The following ANGPTL7 variants were observed in gnomAD, a reference collection of about 807,000 sequenced individuals.
ANGPTL7 encodes angiopoietin-related protein 7.
In ANGPTL7, 37 loss-of-function variants were observed where a neutral mutation model predicts 38.8. The observed-to-expected ratio is 0.95, with a 90% CI of 0.73 to 1.25. The LOEUF (loss-of-function observed/expected upper bound fraction) is 1.25. Ranked by LOEUF, ANGPTL7 falls within the 50% of genes most tolerant of loss-of-function variation. ANGPTL7 has a pLI of 0.00. For synonymous variants in ANGPTL7, 166 were observed against 163.2 expected, an observed-to-expected ratio of 1.02 and a Z score of -0.13; for missense variants, 427 against 438.6, an observed-to-expected ratio of 0.97 and a Z score of 0.24.
In ANGPTL7 at chr1:11,194,584, C is replaced by A; in HGVS notation, c.796C>A (p.His266Asn). The A allele has an allele frequency of 1.2e-6, 2 of 1,614,174 alleles. No homozygotes were observed. The highest frequency in any genetic ancestry group is 1.7e-6 in the Non-Finnish European group (2 of 1,180,032). Residue 266 changes from histidine (H) to asparagine (N), a missense_variant, in exon 4 of 5, where the codon CAT (histidine) becomes AAT (asparagine). Transcript: ENST00000376819. ...GNVGNDALQY[H>N]NNTAFSTKDK... ...TGTGGGGAACGACGCCCTCCAGTATCATAACAACACAGCCTTCAGCACCAA... is the reference window on the plus strand; with the variant it reads ...TGTGGGGAACGACGCCCTCCAGTATAATAACAACACAGCCTTCAGCACCAA...
At chr1:11,191,689 G>A (rs1428473944) in intron 1 of ANGPTL7, among the ~76,000 whole-genome samples, 4 of 152,188 alleles carry the variant, frequency 2.6e-5, no homozygotes, top group Admixed American at 1.3e-4. Context: ...AAACTTCTGG[G>A]AGGAAGGCCT....
rs1458803576 is a variant in ANGPTL7 at position 11,195,329 on chromosome 1, C to T, written c.*306C>T. The stretch of plus-strand genomic sequence containing the variant: ...AGCTTGTCTTTTCCACATGATTTGT[C>T]TGTGAAAGAAAATAATTTTGAGATC... On this transcript the variant is annotated 3_prime_UTR_variant, in exon 5 of 5. Coordinates refer to ENST00000376819, the MANE Select transcript of ANGPTL7 (RefSeq NM_021146.4). 1.2e-4 allele frequency: 33 copies of T among 275,374 alleles called. No homozygotes were observed. The highest frequency in any genetic ancestry group is 1.2e-3 in the Admixed American group (25 of 21,340). The allele number at this position is 275,374 out of a possible 1,614,324, so 17.1% of individuals were successfully genotyped here. A position where few individuals can be genotyped will look rare whatever the true frequency, so the allele number is the denominator to read the frequency against.
At chr1:11,194,180 G>C (rs1645679860) in intron 3 of ANGPTL7, among the ~76,000 whole-genome samples, 1 of 152,138 alleles carries the variant, frequency 6.6e-6, no homozygotes, top group African/African-American at 2.4e-5. Context: ...CTCTGTGTGG[G>C]ATTCAGCAAA....
At chr1:11,191,412 G>A (rs1343653043) in intron 1 of ANGPTL7, among the ~76,000 whole-genome samples, 1 of 152,082 alleles carries the variant, frequency 6.6e-6, no homozygotes, top group East Asian at 1.9e-4. Context: ...ATGTGCCTCA[G>A]ACAACTCCCA....
intron 3 of ANGPTL7, 29 bp from the exon 4 acceptor site, chr1:11,194,432 T>C (rs1645694481): frequency 6.2e-7 from 1 of 1,611,284 alleles, no homozygotes; most frequent in Non-Finnish European, 8.5e-7. Flanking sequence ...CCTGCTGCAC[T>C]TTCTTTAAGG....
chr1:11,192,440 C>T, intron 2 of ANGPTL7, 70 bp downstream of exon 2: 1 of 1,284,222 alleles, frequency 7.8e-7, no homozygotes, highest in Non-Finnish European at 1.1e-6. Flanking sequence ...ACTACAACAA[C>T]AGGGCCATTC....
chr1:11,193,864 C>G, intron 3 of ANGPTL7, 90 bp downstream of exon 3: 1 of 1,265,598 alleles, frequency 7.9e-7, no homozygotes, highest in Non-Finnish European at 1.1e-6. Context: ...TATTCTGATT[C>G]AAGACAAATC....
At chr1:11,194,145 T>C (rs543881359) in intron 3 of ANGPTL7, among the ~76,000 whole-genome samples, 21 of 152,324 alleles carry the variant, frequency 1.4e-4, no homozygotes, top group African/African-American at 5.1e-4. Context: ...GCACTCACTA[T>C]ATCCTCATGT....
In ANGPTL7 at chr1:11,192,320, G is replaced by T. The variant is rs762184646; in HGVS notation, c.427G>T (p.Gly143Ter). 1 of 1,613,976 alleles carries T rather than the reference G, an allele frequency of 6.2e-7. No individual in the cohort carries two copies. The highest frequency in any genetic ancestry group is 8.5e-7 in the Non-Finnish European group (1 of 1,179,932). ...CTACCAGAAGAACTACCGCATCTCTGGAGTGTATAAGCTTCCTCCTGATGA... is the reference window on the plus strand; with the variant it reads ...CTACCAGAAGAACTACCGCATCTCTTGAGTGTATAAGCTTCCTCCTGATGA... ...SLYQKNYRIS[G>*]VYKLPPDDFL... The change falls in exon 2 of 5, where the codon GGA becomes TGA. Residue 143 changes from glycine to a stop codon, truncating the protein, a stop_gained. Transcript: ENST00000376819. LOFTEE classifies it high-confidence loss of function.
At chr1:11,193,419 C>G (rs1342243596) in intron 2 of ANGPTL7, among the ~76,000 whole-genome samples, 161 bp from the exon 3 acceptor site, 1 of 152,206 alleles carries the variant, frequency 6.6e-6, no homozygotes, top group Non-Finnish European at 1.5e-5. Flanking sequence ...CCCCAGCTCA[C>G]CAGCAGTGGG....
chr1:11,189,984 T>C, intron 1 of ANGPTL7, 29 bp downstream of exon 1: 1 of 1,575,590 alleles, frequency 6.3e-7, no homozygotes, highest in Non-Finnish European at 8.6e-7. Flanking sequence ...TGAGGGAGCG[T>C]GGAGTGCCTC....
chr1:11,193,826 C>T (rs189670764), intron 3 of ANGPTL7, 52 bp downstream of exon 3: 2 of 1,561,746 alleles, frequency 1.3e-6, no homozygotes, highest in Admixed American at 3.4e-5. Flanking sequence ...CCACACATGA[C>T]CGCGTACAAC....
chr1:11,189,890 A>C lies in ANGPTL7; in HGVS notation c.311A>C (p.Glu104Ala). Reference protein sequence around the residue: ...RLTDAESKYSEMNNQIDIMQL... With the variant: ...RLTDAESKYSAMNNQIDIMQL... ...ACAGATGCTGAGAGCAAGTACTCCG[A>C]GATGAACAACCAAATTGACATCATG... is the stretch of plus-strand genomic sequence containing the variant. The change falls in exon 1 of 5, where the codon GAG becomes GCG. Residue 104 changes from glutamate (E) to alanine (A), a missense_variant. Coordinates refer to ENST00000376819, the MANE Select transcript of ANGPTL7 (RefSeq NM_021146.4). 6.2e-7 allele frequency: 1 copy of C among 1,614,130 alleles called. No individual in the cohort carries two copies. Among genetic ancestry groups the C allele is most frequent in the Non-Finnish European group, 8.5e-7 (1 of 1,180,026 alleles).
At position 11,189,804 on chromosome 1, in the gene ANGPTL7, C is replaced by T. The variant is rs759812985; in HGVS notation, c.225C>T (p.Val75=). ...ELNKKQERDW[V]SVVMQVMELE... Reference sequence around the variant, plus strand: ...ACAAGAAGCAGGAGAGGGACTGGGTCAGCGTGGTCATGCAGGTGATGGAGC... The same window carrying T: ...ACAAGAAGCAGGAGAGGGACTGGGTTAGCGTGGTCATGCAGGTGATGGAGC... Residue 75 remains valine (V), a synonymous_variant, in exon 1 of 5, where the codon GTC becomes GTT. Coordinates refer to ENST00000376819, the MANE Select transcript of ANGPTL7 (RefSeq NM_021146.4). 9 of 1,614,080 alleles carry T rather than the reference C, an allele frequency of 5.6e-6. No homozygotes were observed. Among genetic ancestry groups the T allele is most frequent in the Non-Finnish European group, 7.6e-6 (9 of 1,180,044 alleles).
intron 2 of ANGPTL7, among the ~76,000 whole-genome samples, chr1:11,193,258 C>A (rs1571126011): frequency 6.6e-6 from 1 of 151,578 alleles, no homozygotes; most frequent in African/African-American, 2.4e-5. Context: ...TGCAGTGAGC[C>A]GAGATTGCAC....
chr1:11,194,544 G>T lies in ANGPTL7; in HGVS notation c.756G>T (p.Gly252=), dbSNP rs28991012. 6.2e-7 allele frequency: 1 copy of T among 1,614,074 alleles called. No individual in the cohort carries two copies. Among genetic ancestry groups the T allele is most frequent in the East Asian group, 2.2e-5 (1 of 44,880 alleles). ...NELNSYRLFL[G]NYTGNVGNDA... ...TCAACAGCTATCGCCTCTTCCTGGG[G>T]AACTACACTGGCAATGTGGGGAACG... Residue 252 remains glycine, a synonymous_variant, in exon 4 of 5, where the codon GGG becomes GGT. Transcript: ENST00000376819.
Position 11,189,936 on chromosome 1 carries a change from G to C in ANGPTL7, c.357G>C (p.Thr119=), listed in dbSNP as rs764501879. 4 of 1,611,840 alleles carry C rather than the reference G, an allele frequency of 2.5e-6. No individual in the cohort carries two copies. Among genetic ancestry groups the C allele is most frequent in the Non-Finnish European group, 3.4e-6 (4 of 1,179,060 alleles). The change falls in exon 1 of 5, where the codon ACG becomes ACC. Residue 119 remains threonine, a synonymous_variant. Transcript: ENST00000376819. ...IDIMQLQAAQ[T]VTQTSADAIY... The stretch of plus-strand genomic sequence containing the variant: ...TCATGCAGCTGCAGGCAGCACAGAC[G>C]GTCACTCAGACCTCCGCAGGTAAGG...
intron 3 of ANGPTL7, 83 bp downstream of exon 3, chr1:11,193,857 T>A (rs1168547676): frequency 7.3e-7 from 1 of 1,370,566 alleles, no homozygotes; most frequent in African/African-American, 1.5e-5. Flanking sequence ...CCATTCCTAT[T>A]CTGATTCAAG....
At chr1:11,192,521 C>G (rs761207106) in intron 2 of ANGPTL7, 151 bp downstream of exon 2, 1 of 638,374 alleles carries the variant, frequency 1.6e-6, no homozygotes, top group Admixed American at 2.7e-5. Flanking sequence ...TATGGGAGGC[C>G]GAGGCAGGTG....
Sources: gnomAD v4.1 joint callset for allele counts (sites outside exome capture counted in the v4.1 genomes callset) on GRCh38, gnomAD v4.1.1 for gene constraint, MANE v1.5 for transcripts, NCBI Gene and HGNC (gene_info 2026-07-23, HGNC 2026-07-21) for gene names.